TFEC: variants seen among roughly 807,000 people sequenced by gnomAD.
TFEC encodes transcription factor EC, also known as class E basic helix-loop-helix protein 34.
Under a neutral mutation model 41.6 loss-of-function variants are expected in TFEC, and 31 were observed. That is an observed-to-expected ratio of 0.74 (90% CI 0.56 to 1.01). The LOEUF (loss-of-function observed/expected upper bound fraction) is 1.01, where lower values mean the gene tolerates loss of function less well. Among genes scored for constraint, TFEC ranks in the 50% least tolerant of loss-of-function variants. TFEC has a pLI of 0.00. For missense variants in TFEC, 402 were observed against 404.1 expected (o/e 0.99, Z 0.04); for synonymous variants, 143 against 140.6 (o/e 1.02, Z -0.12).
chr7:116,018,704 G>A (rs750711951), intron 1 of TFEC, among the ~76,000 whole-genome samples: 8 of 152,182 alleles, frequency 5.3e-5, no homozygotes, highest in Non-Finnish European at 8.8e-5. Context: ...CGTCTATTGA[G>A]TGTATGGGGA....
chr7:116,097,396 T>C (rs1411531204), intron 3 of TFEC, among the ~76,000 whole-genome samples: 1 of 152,180 alleles, frequency 6.6e-6, no homozygotes, highest in Admixed American at 6.5e-5. Context: ...AGTCAGATAT[T>C]AACAACAACA....
Position 115,940,717 on chromosome 7 carries a change from G to A in TFEC, c.878C>T (p.Ser293Leu). ...TTCCTCTTTCAATGCAGCACTAAATGATAAATCTGTGAAGTATGACAAAGG... is the reference window on the plus strand; with the variant it reads ...TTCCTCTTTCAATGCAGCACTAAATAATAAATCTGTGAAGTATGACAAAGG... ...SDPLSYFTDL[S>L]FSAALKEEQR... Residue 293 changes from serine to leucine, a missense_variant, in exon 8 of 8, where the codon TCA becomes TTA. By Grantham distance (145) the Ser-to-Leu change is moderately radical (BLOSUM62 -2). Coordinates refer to ENST00000265440, the MANE Select transcript of TFEC (RefSeq NM_012252.4). 3 of 1,613,536 alleles carry A rather than the reference G, an allele frequency of 1.9e-6. No homozygotes were observed. The highest frequency in any genetic ancestry group is 2.5e-6 in the Non-Finnish European group (3 of 1,179,636).
At chr7:115,952,718 A>T (rs1372731536) in intron 5 of TFEC, among the ~76,000 whole-genome samples, 1 of 152,102 alleles carries the variant, frequency 6.6e-6, no homozygotes, top group African/African-American at 2.4e-5. Context: ...AGTTTTAAGA[A>T]ATTACTAAAC....
chr7:116,151,237 GAT>G (rs1491348262), intron 1 of TFEC, among the ~76,000 whole-genome samples: 31 of 141,310 alleles, frequency 2.2e-4, no homozygotes, highest in Admixed American at 9.2e-4. Flanking sequence ...TATTATGTCA[GAT>G]TTTTTTTTTT....
chr7:116,062,251 T>C (rs923276303), intron 3 of TFEC, among the ~76,000 whole-genome samples: 1 of 129,792 alleles, frequency 7.7e-6, no homozygotes, highest in Non-Finnish European at 1.7e-5. Flanking sequence ...TTTTTTTTTT[T>C]TTTGTATTTT....
At chr7:116,021,347 T>C (rs947067364) in intron 1 of TFEC, among the ~76,000 whole-genome samples, 12 of 152,320 alleles carry the variant, frequency 7.9e-5, no homozygotes, top group African/African-American at 2.9e-4. Context: ...CTGTTATAAA[T>C]CTATTATCAG....
intron 1 of TFEC, among the ~76,000 whole-genome samples, chr7:116,140,148 C>A (rs1482543055): frequency 6.6e-6 from 1 of 152,120 alleles, no homozygotes; most frequent in Non-Finnish European, 1.5e-5. Context: ...GCTATTAAAA[C>A]AATCTAAGGT....
Position 115,954,619 on chromosome 7 carries a change from T to C in TFEC, c.406A>G (p.Lys136Glu), listed in dbSNP as rs1792123796. 2 of 1,611,986 alleles carry C rather than the reference T, an allele frequency of 1.2e-6. No homozygotes were observed. The highest frequency in any genetic ancestry group is 1.1e-5 in the South Asian group (1 of 90,892). The change falls in exon 5 of 8, where the codon AAA (lysine) becomes GAA (glutamate). Residue 136 changes from lysine to glutamate, a missense_variant. Coordinates refer to ENST00000265440, the MANE Select transcript of TFEC (RefSeq NM_012252.4). ...TGGTTGTCCTTTTTTTGTCTCTCTTTTGCTAAAGCTCTAGTGTCAGTTTCT... is the reference window on the plus strand; with the variant it reads ...TGGTTGTCCTTTTTTTGTCTCTCTTCTGCTAAAGCTCTAGTGTCAGTTTCT... ...ITETDTRALA[K>E]ERQKKDNHNL...
intron 3 of TFEC, among the ~76,000 whole-genome samples, chr7:116,081,323 C>T (rs1584492357): frequency 6.6e-6 from 1 of 151,704 alleles, no homozygotes; most frequent in East Asian, 1.9e-4. Context: ...AAAATAAGTC[C>T]ATCTCATTAT....
intron 1 of TFEC, among the ~76,000 whole-genome samples, chr7:115,993,677 A>C (rs1794226996): frequency 6.6e-6 from 1 of 152,238 alleles, no homozygotes; most frequent in Non-Finnish European, 1.5e-5. Context: ...TTCAAGGAGA[A>C]CTACAAACCA....
At chr7:115,992,662 T>A (rs1452470649) in intron 1 of TFEC, among the ~76,000 whole-genome samples, 1 of 152,166 alleles carries the variant, frequency 6.6e-6, no homozygotes, top group Non-Finnish European at 1.5e-5. Flanking sequence ...AGGAAGAAGT[T>A]GAATCCCTGA....
chr7:115,966,829 A>G (rs1424885744), intron 3 of TFEC, among the ~76,000 whole-genome samples: 1 of 151,706 alleles, frequency 6.6e-6, no homozygotes, highest in African/African-American at 2.4e-5. Flanking sequence ...TAAGCATCCA[A>G]ATCTAAGGCT....
At chr7:115,988,825 A>G (rs947112149) in intron 1 of TFEC, among the ~76,000 whole-genome samples, 12 of 152,246 alleles carry the variant, frequency 7.9e-5, no homozygotes, top group African/African-American at 2.6e-4. Context: ...CAGAAAATCA[A>G]AGATAAAGAA....
At chr7:116,110,929 A>G (rs1457218152) in intron 2 of TFEC, 1 of 1,475,852 alleles carries the variant, frequency 6.8e-7, no homozygotes, top group Non-Finnish European at 9.0e-7. Context: ...TCTTCTCACT[A>G]TTAGTGGATT....
intron 3 of TFEC, among the ~76,000 whole-genome samples, chr7:116,062,684 G>A (rs933481074): frequency 5.3e-5 from 8 of 150,484 alleles, no homozygotes; most frequent in Admixed American, 1.3e-4. Context: ...ATAAACATGC[G>A]TGTGCAAATA....
At chr7:116,010,318 T>A (rs558326512) in intron 1 of TFEC, among the ~76,000 whole-genome samples, 1 of 152,268 alleles carries the variant, frequency 6.6e-6, no homozygotes, top group Non-Finnish European at 1.5e-5. Flanking sequence ...ATTACTTGAA[T>A]GAGGGTCATG....
chr7:115,984,309 T>C lies in TFEC; in HGVS notation c.133A>G (p.Thr45Ala). The C allele has an allele frequency of 6.2e-7, 1 of 1,614,112 alleles. No homozygotes were observed. Among genetic ancestry groups the C allele is most frequent in the Non-Finnish European group, 8.5e-7 (1 of 1,179,966 alleles). Residue 45 changes from threonine (T) to alanine (A), a missense_variant, in exon 2 of 8, where the codon ACC becomes GCC. Coordinates refer to ENST00000265440, the MANE Select transcript of TFEC (RefSeq NM_012252.4). ...TCTTTCCCAATAGCTAGTAACTTGG[T>C]GAGTGGGTTTTCTGTGAGGCCAGCA... is the stretch of plus-strand genomic sequence containing the variant. The part of the protein sequence containing the change: ...SDAGLTENPL[T>A]KLLAIGKEDD...
chr7:115,949,622 G>T (rs1159577204), intron 6 of TFEC, among the ~76,000 whole-genome samples: 1 of 151,992 alleles, frequency 6.6e-6, no homozygotes, highest in Non-Finnish European at 1.5e-5. Context: ...TTTAATAAAT[G>T]GTGCTGGGAA....
At chr7:115,947,926 A>T (rs2130305794) in intron 6 of TFEC, among the ~76,000 whole-genome samples, 1 of 152,198 alleles carries the variant, frequency 6.6e-6, no homozygotes, top group East Asian at 1.9e-4. Context: ...TTTTGAAAGG[A>T]TCAACAAAAT....
Sources: allele counts gnomAD v4.1 joint callset (sites outside exome capture counted in the v4.1 genomes callset), GRCh38; gene constraint gnomAD v4.1.1; transcripts MANE v1.5; gene names NCBI Gene and HGNC (gene_info 2026-07-23, HGNC 2026-07-21).